SPINK5: variants seen among roughly 807,000 people sequenced by gnomAD.
The protein encoded by SPINK5 is serine protease inhibitor Kazal-type 5.
A neutral mutation model predicts 151.8 loss-of-function variants in SPINK5; 125 were observed. The observed-to-expected ratio is 0.82, with a 90% CI of 0.71 to 0.96. The LOEUF (loss-of-function observed/expected upper bound fraction) is 0.96, where lower values mean the gene tolerates loss of function less well. SPINK5 is among the 40% of genes least tolerant of loss of function. The probability of loss-of-function intolerance (pLI) is 0.00; values close to 1 mark genes in which losing one functional copy is unlikely to be tolerated. For missense variants in SPINK5, 1,194 were observed against 1,291.9 expected (o/e 0.92, Z 1.16); for synonymous variants, 374 against 395.3 (o/e 0.95, Z 0.64).
intron 11 of SPINK5, 83 bp downstream of exon 11, chr5:148,098,077 A>G: frequency 2.2e-6 from 3 of 1,340,438 alleles, no homozygotes; most frequent in Non-Finnish European, 3.2e-6. Context: ...ATAGATGGGG[A>G]GACTGTGGCT....
intron 5 of SPINK5, among the ~76,000 whole-genome samples, chr5:148,088,194 T>C (rs1753210673): frequency 1.3e-5 from 2 of 151,856 alleles, no homozygotes; most frequent in Admixed American, 1.3e-4. Flanking sequence ...TTTGTTTATT[T>C]AAAACAACAA....
intron 9 of SPINK5, 125 bp from the exon 10 acceptor site, chr5:148,095,693 A>G: frequency 1.3e-6 from 1 of 756,530 alleles, no homozygotes; most frequent in Non-Finnish European, 2.3e-6. Context: ...TGGGGATTTG[A>G]GGTGTTTTTA....
At chr5:148,122,501 C>A (rs542005999) in intron 26 of SPINK5, among the ~76,000 whole-genome samples, 1 of 152,254 alleles carries the variant, frequency 6.6e-6, no homozygotes, top group South Asian at 2.1e-4. Context: ...TTTGGGCTTA[C>A]AGGAAGTTCC....
chr5:148,118,628 T>TTTC (rs1344639754), intron 23 of SPINK5, 64 bp downstream of exon 23: 2 of 1,594,510 alleles, frequency 1.3e-6, no homozygotes, highest in Non-Finnish European at 1.7e-6. Context: ...TGAATGGCTA[T>TTTC]TTCTCATTTG....
At chr5:148,131,188 G>A in intron 30 of SPINK5, 71 bp from the exon 31 acceptor site, 1 of 1,573,270 alleles carries the variant, frequency 6.4e-7, no homozygotes, top group Non-Finnish European at 8.7e-7. Context: ...AGGAACTCAA[G>A]AGGTTTTCTT....
chr5:148,129,385 A>G (rs1438541462), intron 30 of SPINK5, among the ~76,000 whole-genome samples: 1 of 152,194 alleles, frequency 6.6e-6, no homozygotes, highest in African/African-American at 2.4e-5. Flanking sequence ...GCAGTTGTCT[A>G]CAGAAGAGAT....
intron 18 of SPINK5, among the ~76,000 whole-genome samples, chr5:148,110,695 G>C (rs1753901486): frequency 6.6e-6 from 1 of 151,958 alleles, no homozygotes; most frequent in South Asian, 2.1e-4. Flanking sequence ...AGAACACATG[G>C]ACACAGGGAG....
chr5:148,111,878 C>T lies in SPINK5; in HGVS notation c.1803C>T (p.Ser601=), dbSNP rs1365253070. 1.2e-6 allele frequency: 2 copies of T among 1,613,856 alleles called. No homozygotes were observed. The highest frequency in any genetic ancestry group is 1.7e-6 in the Non-Finnish European group (2 of 1,179,902). Residue 601 remains serine (S), a synonymous_variant, in exon 19 of 33, where the codon TCC becomes TCT. Coordinates refer to ENST00000256084, the MANE Select transcript of SPINK5 (RefSeq NM_006846.4). ...LDGKIHGNTC[S]MCEAFFQQEA... is the part of the protein sequence containing the mutation. ...GGAAAATCCACGGCAACACCTGCTC[C>T]ATGTGTGAAGCCTTCTTGTGAGTGG... is the stretch of plus-strand genomic sequence containing the variant.
chr5:148,137,201 C>G lies in SPINK5; in HGVS notation c.*210C>G. The G allele has an allele frequency of 1.6e-6, 1 of 630,220 alleles. No individual in the cohort carries two copies. Among genetic ancestry groups the G allele is most frequent in the South Asian group, 2.0e-5 (1 of 49,726 alleles). 39.0% of individuals were successfully genotyped at this position (630,220 alleles called of 1,614,324 possible). A position where few individuals can be genotyped will look rare whatever the true frequency, so the allele number is the denominator to read the frequency against. On this transcript the variant is annotated 3_prime_UTR_variant, in exon 33 of 33. Transcript: ENST00000256084. ...GTGATCTGAGGGTATAAAGACATCT[C>G]CACCAAGTCTGAGCCCTCAAAATGT... is the stretch of plus-strand genomic sequence containing the variant.
rs189307913 is a variant in SPINK5 at position 148,130,058 on chromosome 5, T to C, written c.2965-1201T>C. ...TAACTTTTGGCTTTGTTCTATTTTC[T>C]ATTTCATCAATTTCTCCTCTTTATT... On this transcript the variant is annotated intron_variant, in intron 30 of 32. Transcript: ENST00000256084. Among the ~76,000 whole-genome samples, 11 of 152,172 alleles carry C rather than the reference T, an allele frequency of 7.2e-5. No individual in the cohort carries two copies. In the East Asian group the frequency reaches 2.1e-3, roughly 29 times the overall value.
chr5:148,084,826 T>G (rs1316975702), intron 4 of SPINK5, among the ~76,000 whole-genome samples: 1 of 151,902 alleles, frequency 6.6e-6, no homozygotes, highest in Non-Finnish European at 1.5e-5. Context: ...CAAATGTTTT[T>G]GCCACTATAT....
chr5:148,067,968 A>T (rs1752628353), intron 2 of SPINK5, among the ~76,000 whole-genome samples: 1 of 152,128 alleles, frequency 6.6e-6, no homozygotes, highest in Non-Finnish European at 1.5e-5. Context: ...TTATTCCAGG[A>T]TTATCATGAG....
intron 26 of SPINK5, among the ~76,000 whole-genome samples, chr5:148,121,619 C>T (rs1479498845): frequency 6.7e-6 from 1 of 148,498 alleles, no homozygotes; most frequent in Non-Finnish European, 1.5e-5. Context: ...CAGAAAAATG[C>T]TATATATATT....
In SPINK5 at chr5:148,111,587, A is replaced by C. The variant is rs1424437556; in HGVS notation, c.1693-181A>C. On this transcript the variant is annotated intron_variant, in intron 18 of 32. Transcript: ENST00000256084. ...AAGGTTTTCTAATGAGATAAATAAC[A>C]GCAATCCATGTTCCAAATGTGTGAC... 2.6e-5 allele frequency among the ~76,000 whole-genome samples: 4 copies of C among 152,250 alleles called. No individual in the cohort carries two copies. The East Asian group carries it at 7.7e-4, about 29-fold the overall frequency.
intron 10 of SPINK5, 148 bp downstream of exon 10, chr5:148,096,053 GTTA>G (rs1213306073): frequency 1.5e-6 from 1 of 657,912 alleles, no homozygotes; most frequent in Non-Finnish European, 2.7e-6. Flanking sequence ...CTAATTTCTA[GTTA>G]TTATTTTGTG....
In SPINK5 at chr5:148,104,949, A is replaced by C. The variant is rs771522528; in HGVS notation, c.1431-3A>C. On this transcript the variant is annotated splice_region_variant and splice_polypyrimidine_tract_variant and intron_variant, in intron 15 of 32. Transcript: ENST00000256084. ...CTCTCTTTTTCTTTTCGGTTTCTTA[A>C]AGTCAACAAGAAGAAAGAGCAAGAG... The C allele has an allele frequency of 8.1e-6, 13 of 1,612,108 alleles. No homozygotes were observed. The South Asian group carries it at 1.4e-4, about 18-fold the overall frequency.
At chr5:148,071,269 G>T (rs1484575512) in intron 3 of SPINK5, among the ~76,000 whole-genome samples, 2 of 152,044 alleles carry the variant, frequency 1.3e-5, no homozygotes, top group African/African-American at 4.8e-5. Context: ...TAAATGTCAG[G>T]TTGGTGTGTG....
intron 30 of SPINK5, among the ~76,000 whole-genome samples, chr5:148,127,726 C>T (rs1240729823): frequency 2.0e-5 from 3 of 152,034 alleles, no homozygotes; most frequent in Non-Finnish European, 4.4e-5. Context: ...GGCATGGTGC[C>T]TTGTGCCTGT....
intron 15 of SPINK5, among the ~76,000 whole-genome samples, chr5:148,102,365 TA>T (rs1156565503): frequency 4.6e-5 from 7 of 152,128 alleles, no homozygotes; most frequent in East Asian, 1.9e-4. Flanking sequence ...TCAAAAACAT[TA>T]AAAAAGTAAA....
Sources: gnomAD v4.1 joint callset for allele counts (sites outside exome capture counted in the v4.1 genomes callset) on GRCh38, gnomAD v4.1.1 for gene constraint, MANE v1.5 for transcripts, NCBI Gene and HGNC (gene_info 2026-07-23, HGNC 2026-07-21) for gene names.